Variants in TLL1 observed in about 807,000 individuals in gnomAD.
TLL1 encodes the protein tolloid like 1.
In TLL1, 49 loss-of-function variants were observed where a neutral mutation model predicts 128.2. The observed-to-expected ratio is 0.38, with a 90% CI of 0.30 to 0.48. The LOEUF is 0.48. TLL1 is among the 20% of genes least tolerant of loss of function. The probability of loss-of-function intolerance (pLI) is 0.96; values close to 1 mark genes in which losing one functional copy is unlikely to be tolerated. For missense variants in TLL1, 1,123 were observed against 1,242.0 expected, an observed-to-expected ratio of 0.90 and a Z score of 1.44; for synonymous variants, 454 against 418.8, an observed-to-expected ratio of 1.08 and a Z score of -1.03.
intron 1 of TLL1, among the ~76,000 whole-genome samples, chr4:165,885,368 C>T (rs905451234): frequency 6.6e-6 from 1 of 151,930 alleles, no homozygotes; most frequent in Non-Finnish European, 1.5e-5. Context: ...TGCCAGGGGG[C>T]ATATGCTGTA....
chr4:165,948,442 T>G (rs537427867), intron 1 of TLL1, among the ~76,000 whole-genome samples: 1 of 152,288 alleles, frequency 6.6e-6, no homozygotes, highest in South Asian at 2.1e-4. Flanking sequence ...TAGTCCACTT[T>G]CTGTTTCTTA....
At chr4:165,900,424 G>A (rs1211151794) in intron 1 of TLL1, among the ~76,000 whole-genome samples, 5 of 152,118 alleles carry the variant, frequency 3.3e-5, no homozygotes, top group South Asian at 2.1e-4. Flanking sequence ...TTGTAAGGCA[G>A]GCCTGGTGGT....
intron 12 of TLL1, among the ~76,000 whole-genome samples, chr4:166,051,299 T>TTTCCTTCTTTCCTTCCTTCCTTCC (rs1187129532): frequency 7.9e-6 from 1 of 126,534 alleles, no homozygotes; most frequent in Non-Finnish European, 1.7e-5. Context: ...CCCTCCCTCC[T>TTTCCTTCTTTCCTTCCTTCCTTCC]TTCCTTCCTT....
At chr4:165,916,764 T>C (rs1370806410) in intron 1 of TLL1, among the ~76,000 whole-genome samples, 1 of 152,154 alleles carries the variant, frequency 6.6e-6, no homozygotes, top group Non-Finnish European at 1.5e-5. Context: ...TAAGATCTAG[T>C]ACCAAAAAAT....
At chr4:166,024,448 G>GT (rs1272990181) in intron 8 of TLL1, among the ~76,000 whole-genome samples, 1 of 152,120 alleles carries the variant, frequency 6.6e-6, no homozygotes, top group Non-Finnish European at 1.5e-5. Context: ...TTGAGTGAAG[G>GT]TTAGAAAGAG....
chr4:165,954,186 A>C (rs1734667563), intron 1 of TLL1, among the ~76,000 whole-genome samples: 1 of 152,140 alleles, frequency 6.6e-6, no homozygotes, highest in South Asian at 2.1e-4. Flanking sequence ...TTACCCAATA[A>C]TAAGAAGAGA....
intron 9 of TLL1, among the ~76,000 whole-genome samples, chr4:166,033,812 T>A (rs1204834719): frequency 6.6e-6 from 1 of 152,164 alleles, no homozygotes; most frequent in Non-Finnish European, 1.5e-5. Context: ...AGAGGGTAGC[T>A]GTGTTGAGCT....
chr4:165,908,308 G>A (rs1732366069), intron 1 of TLL1, among the ~76,000 whole-genome samples: 1 of 152,146 alleles, frequency 6.6e-6, no homozygotes, highest in Admixed American at 6.5e-5. Context: ...TAGAAGGATG[G>A]GTCAGGCACA....
intron 1 of TLL1, among the ~76,000 whole-genome samples, chr4:165,916,901 A>C (rs1732804547): frequency 6.6e-6 from 1 of 152,126 alleles, no homozygotes; most frequent in African/African-American, 2.4e-5. Context: ...ATGATGAAAA[A>C]AGGCATTTTG....
Position 166,042,138 on chromosome 4 carries a change from A to T in TLL1, c.1373A>T (p.Tyr458Phe). Residue 458 changes from tyrosine to phenylalanine, a missense_variant, in exon 11 of 21, where the codon TAT becomes TTT. This residue lies in a region of TLL1 where 634 missense variants were observed against 672.4 expected (regional missense o/e 0.94). Transcript: ENST00000061240. ...GTAGGAAAAGGCTTTGCAGCTGTCT[A>T]TGAAGGTAAGTCACATTGAATTTTA... ...NWVGKGFAAV[Y>F]EAICGGEIRK... The T allele has an allele frequency of 1.9e-6, 3 of 1,604,226 alleles. No individual in the cohort carries two copies. The highest frequency in any genetic ancestry group is 2.6e-6 in the Non-Finnish European group (3 of 1,171,498).
chr4:166,055,501 A>G (rs1481558815), intron 13 of TLL1, among the ~76,000 whole-genome samples: 1 of 152,184 alleles, frequency 6.6e-6, no homozygotes, highest in African/African-American at 2.4e-5. Context: ...TTTTTATGAA[A>G]TGGTCAAAAC....
chr4:166,101,016 G>C lies in TLL1; in HGVS notation c.*140G>C. Reference sequence around the variant, plus strand: ...TCCCTGTAAGACCAGAATTATCTTTGTACTAAAAGAGAAGTTTCCAGCAAA... The same window carrying C: ...TCCCTGTAAGACCAGAATTATCTTTCTACTAAAAGAGAAGTTTCCAGCAAA... On this transcript the variant is annotated 3_prime_UTR_variant, in exon 21 of 21. Transcript: ENST00000061240. 1 of 1,119,406 alleles carries C rather than the reference G, an allele frequency of 8.9e-7. No homozygotes were observed. Among genetic ancestry groups the C allele is most frequent in the East Asian group, 2.6e-5 (1 of 38,078 alleles). The allele number at this position is 1,119,406 out of a possible 1,614,324, so 69.3% of individuals were successfully genotyped here. A position where few individuals can be genotyped will look rare whatever the true frequency, so the allele number is the denominator to read the frequency against.
intron 1 of TLL1, among the ~76,000 whole-genome samples, chr4:165,987,741 C>T (rs953965931): frequency 6.6e-6 from 1 of 152,016 alleles, no homozygotes; most frequent in African/African-American, 2.4e-5. Context: ...CAGTTTTGCA[C>T]TGGGTAAATA....
intron 9 of TLL1, among the ~76,000 whole-genome samples, chr4:166,029,407 A>T (rs889623530): frequency 9.2e-5 from 14 of 152,030 alleles, no homozygotes; most frequent in Non-Finnish European, 1.5e-5. Flanking sequence ...AATCAAGCAA[A>T]TGAGACACTA....
At chr4:166,044,570 A>ATTT in intron 12 of TLL1, 1 of 636,682 alleles carries the variant, frequency 1.6e-6, no homozygotes, top group Non-Finnish European at 2.5e-6. Context: ...GCTCCAGACC[A>ATTT]TTTTTTTTTT....
intron 1 of TLL1, among the ~76,000 whole-genome samples, chr4:165,963,969 G>A (rs1735248334): frequency 6.6e-6 from 1 of 152,160 alleles, no homozygotes; most frequent in Non-Finnish European, 1.5e-5. Context: ...GTGTGTTTCA[G>A]TATCTCCTAC....
At chr4:165,923,264 T>C (rs1733116185) in intron 1 of TLL1, among the ~76,000 whole-genome samples, 1 of 151,988 alleles carries the variant, frequency 6.6e-6, no homozygotes, top group South Asian at 2.1e-4. Context: ...TCTTAGTCAA[T>C]AATCAGACAT....
At chr4:166,015,447 C>T (rs1002112242) in intron 8 of TLL1, among the ~76,000 whole-genome samples, 2 of 151,880 alleles carry the variant, frequency 1.3e-5, no homozygotes, top group African/African-American at 4.8e-5. Flanking sequence ...TGATGGATAT[C>T]TTAATCATTG....
intron 2 of TLL1, among the ~76,000 whole-genome samples, chr4:165,992,538 T>G (rs1736694675): frequency 6.6e-6 from 1 of 152,040 alleles, no homozygotes; most frequent in Non-Finnish European, 1.5e-5. Flanking sequence ...TGTTTCAAAT[T>G]ATCAATAGAT....
Sources: gnomAD v4.1 joint callset for allele counts (sites outside exome capture counted in the v4.1 genomes callset) on GRCh38, gnomAD v4.1.1 for gene constraint, gnomAD v4.1.1 regional missense constraint, MANE v1.5 for transcripts, NCBI Gene and HGNC (gene_info 2026-07-23, HGNC 2026-07-21) for gene names.